INHBA: variants seen among roughly 807,000 people sequenced by gnomAD.
INHBA encodes inhibin subunit beta A, also known as inhibin beta A chain.
A neutral mutation model predicts 29.0 loss-of-function variants in INHBA; 1 was observed. That is an observed-to-expected ratio of 0.03 (90% CI 0.01 to 0.16). The LOEUF is 0.16. Among genes scored for constraint, INHBA ranks in the 10% least tolerant of loss-of-function variants. The pLI, the probability that INHBA is intolerant of heterozygous loss-of-function variation, is 1.00. For missense variants in INHBA, 376 were observed against 545.4 expected (o/e 0.69, Z 3.09); for synonymous variants, 242 against 216.8 (o/e 1.12, Z -1.02).
intron 2 of INHBA, among the ~76,000 whole-genome samples, chr7:41,696,802 C>T (rs1023452250): frequency 9.9e-5 from 15 of 152,120 alleles, no homozygotes; most frequent in African/African-American, 3.6e-4. Flanking sequence ...CTTCTTGGAT[C>T]CCTGTCTGGG....
chr7:41,698,293 G>A (rs1794694594), intron 2 of INHBA, among the ~76,000 whole-genome samples: 1 of 152,090 alleles, frequency 6.6e-6, no homozygotes, highest in African/African-American at 2.4e-5. Flanking sequence ...GGTTAAAAGT[G>A]GTCAAAGGCA....
chr7:41,700,303 T>C lies in INHBA; in HGVS notation c.72A>G (p.Pro24=). ...GGGCCGCGCTGTGCCCCTCGGATCC[T>C]GGGGTGGGGGAACTCCTCACTATAA... ...CWIIVRSSPT[P]GSEGHSAAPD... is the part of the protein sequence containing the mutation. Residue 24 remains proline, a synonymous_variant, in exon 2 of 3, where the codon CCA becomes CCG. Coordinates refer to ENST00000242208, the MANE Select transcript of INHBA (RefSeq NM_002192.4). 1 of 1,575,606 alleles carries C rather than the reference T, an allele frequency of 6.3e-7. No individual in the cohort carries two copies. Among genetic ancestry groups the C allele is most frequent in the South Asian group, 1.2e-5 (1 of 85,404 alleles).
At chr7:41,692,820 G>T (rs563854871) in intron 2 of INHBA, among the ~76,000 whole-genome samples, 20 of 152,168 alleles carry the variant, frequency 1.3e-4, no homozygotes, top group Non-Finnish European at 2.8e-4. Flanking sequence ...TGTGGGTTTT[G>T]TTGTTGTTGT....
chr7:41,701,493 C>T (rs1467455037), intron 1 of INHBA, among the ~76,000 whole-genome samples: 1 of 152,172 alleles, frequency 6.6e-6, no homozygotes, highest in African/African-American at 2.4e-5. Flanking sequence ...ATACACTCCA[C>T]TCTTCCCAAC....
intron 2 of INHBA, chr7:41,691,495 T>C (rs1794525509): frequency 6.6e-6 from 1 of 152,278 alleles, no homozygotes; most frequent in Non-Finnish European, 1.5e-5. Flanking sequence ...TGTTCCTCCC[T>C]TGAATGTCAG....
At chr7:41,704,310 G>A (rs1794862246), upstream of INHBA, among the ~76,000 whole-genome samples, 7 of 152,028 alleles carry the variant, frequency 4.6e-5, no homozygotes, top group South Asian at 1.5e-3. Flanking sequence ...ATGGGGGTGG[G>A]GGGAAGGAGT....
Position 41,689,331 on chromosome 7 carries a change from C to T in INHBA, c.*319G>A, listed in dbSNP as rs576489367. On this transcript the variant is annotated 3_prime_UTR_variant, in exon 3 of 3. Coordinates refer to ENST00000242208, the MANE Select transcript of INHBA (RefSeq NM_002192.4). Reference sequence around the variant, plus strand: ...AAGGGAACCTCAAGGGGGGAAAGGACAATACCCCGTTTAAACAACTGATGT... The same window carrying T: ...AAGGGAACCTCAAGGGGGGAAAGGATAATACCCCGTTTAAACAACTGATGT... The T allele has an allele frequency of 2.3e-5, 7 of 302,058 alleles. No homozygotes were observed. The highest frequency in any genetic ancestry group is 1.3e-4 in the African/African-American group (6 of 46,860). The allele number at this position is 302,058 out of a possible 1,614,324, so 18.7% of individuals were successfully genotyped here.
At chr7:41,698,737 C>T (rs936253027) in intron 2 of INHBA, among the ~76,000 whole-genome samples, 9 of 152,200 alleles carry the variant, frequency 5.9e-5, no homozygotes, top group African/African-American at 1.2e-4. Flanking sequence ...TCTGCACCCC[C>T]GGAAAGATGC....
At chr7:41,704,235 A>G (rs768529668), upstream of INHBA, among the ~76,000 whole-genome samples, 1 of 152,060 alleles carries the variant, frequency 6.6e-6, no homozygotes, top group African/African-American at 2.4e-5. Flanking sequence ...TTAGGACACC[A>G]GAAGTTTTCT....
upstream of INHBA, among the ~76,000 whole-genome samples, chr7:41,704,607 A>C (rs1794869434): frequency 1.6e-5 from 2 of 122,678 alleles, no homozygotes; most frequent in African/African-American, 3.2e-5. Flanking sequence ...CCTCCACACA[A>C]AGTAGTGTGT....
rs376722349 is a variant in INHBA at position 41,689,785 on chromosome 7, G to C, written c.1146C>G (p.Ser382Arg). 1.9e-6 allele frequency: 3 copies of C among 1,613,970 alleles called. No individual in the cohort carries two copies. The highest frequency in any genetic ancestry group is 2.5e-6 in the Non-Finnish European group (3 of 1,180,018). ...VINHYRMRGHSPFANLKSCCV... is the reference protein window; with the variant it reads ...VINHYRMRGHRPFANLKSCCV... ...AGCACGATTTGAGGTTGGCAAAGGG[G>C]CTATGGCCCCGCATGCGGTAGTGGT... The change falls in exon 3 of 3, where the codon AGC (serine) becomes AGG (arginine). Residue 382 changes from serine (S) to arginine (R), a missense_variant. Coordinates refer to ENST00000242208, the MANE Select transcript of INHBA (RefSeq NM_002192.4).
At chr7:41,705,327 C>A (rs966261841), upstream of INHBA, 2 of 152,376 alleles carry the variant, frequency 1.3e-5, no homozygotes, top group Non-Finnish European at 2.9e-5. Flanking sequence ...CACGCCGGAA[C>A]GCGGCCGCTG....
intron 1 of INHBA, among the ~76,000 whole-genome samples, chr7:41,701,674 C>G (rs1794799648): frequency 6.6e-6 from 1 of 152,190 alleles, no homozygotes; most frequent in Non-Finnish European, 1.5e-5. Flanking sequence ...AGATAAAATG[C>G]AAAATTCTCT....
rs1794394518 is a variant in INHBA, at chr7:41,686,431, A to G, written c.*3219T>C. ...TTCAAGAAAAAAACATACTACTAAG[A>G]ATCCCATATGTTATAATTTAAAGCC... On this transcript the variant is annotated 3_prime_UTR_variant, in exon 3 of 3. Coordinates refer to ENST00000242208, the MANE Select transcript of INHBA (RefSeq NM_002192.4). 1 of 152,148 alleles carries G rather than the reference A, an allele frequency of 6.6e-6. No homozygotes were observed. The highest frequency in any genetic ancestry group is 1.5e-5 in the Non-Finnish European group (1 of 68,006). 9.4% of individuals were successfully genotyped at this position (152,148 alleles called of 1,614,324 possible). A position where few individuals can be genotyped will look rare whatever the true frequency, so the allele number is the denominator to read the frequency against.
At chr7:41,702,921 A>G (rs926404320) in intron 1 of INHBA, 84 bp downstream of exon 1, 16 of 152,234 alleles carry the variant, frequency 1.1e-4, no homozygotes, top group African/African-American at 3.9e-4. Context: ...CACATTGGAA[A>G]TGCCAATTAG....
Position 41,700,018 on chromosome 7 carries a change from C to T in INHBA, c.357G>A (p.Gln119=). 1 of 1,459,126 alleles carries T rather than the reference C, an allele frequency of 6.9e-7. No individual in the cohort carries two copies. Among genetic ancestry groups the T allele is most frequent in the Non-Finnish European group, 9.2e-7 (1 of 1,086,018 alleles). The allele number at this position is 1,459,126 out of a possible 1,614,324, so 90.4% of individuals were successfully genotyped here. A position where few individuals can be genotyped will look rare whatever the true frequency, so the allele number is the denominator to read the frequency against. Residue 119 remains glutamine, a synonymous_variant, in exon 2 of 3, where the codon CAG becomes CAA. Transcript: ENST00000242208. ...CGGCAAACGTGATGATCTCCGAGGT[C>T]TGCTCCATAAGTTCATTCATTTCTG... is the stretch of plus-strand genomic sequence containing the variant. The part of the protein sequence containing the change: ...RRAEMNELME[Q]TSEIITFAES...
rs551725471 is a variant in INHBA, at chr7:41,685,547, A to C, written c.*4103T>G. 7.9e-5 allele frequency: 12 copies of C among 152,290 alleles called. No individual in the cohort carries two copies. The highest frequency in any genetic ancestry group is 1.2e-4 in the Non-Finnish European group (8 of 67,982). 9.4% of individuals were successfully genotyped at this position (152,290 alleles called of 1,614,324 possible). ...TCAACCACAGAACATAAAAAGTTTTAAAATAAAACAGGCTTCAGATTATCT... is the reference window on the plus strand; with the variant it reads ...TCAACCACAGAACATAAAAAGTTTTCAAATAAAACAGGCTTCAGATTATCT... On this transcript the variant is annotated 3_prime_UTR_variant, in exon 3 of 3. Coordinates refer to ENST00000242208, the MANE Select transcript of INHBA (RefSeq NM_002192.4).
intron 2 of INHBA, among the ~76,000 whole-genome samples, chr7:41,692,784 C>T (rs1263598156): frequency 3.9e-5 from 6 of 152,138 alleles, no homozygotes; most frequent in Non-Finnish European, 8.8e-5. Flanking sequence ...AATCTGAATT[C>T]GATATTCCCC....
chr7:41,696,415 C>T (rs552825479), intron 2 of INHBA, among the ~76,000 whole-genome samples: 9 of 152,118 alleles, frequency 5.9e-5, no homozygotes, highest in Non-Finnish European at 1.2e-4. Context: ...TTTCCATTTC[C>T]TTTCCTTCTG....
Sources: gnomAD v4.1 joint callset for allele counts (sites outside exome capture counted in the v4.1 genomes callset) on GRCh38, gnomAD v4.1.1 for gene constraint, MANE v1.5 for transcripts, NCBI Gene and HGNC (gene_info 2026-07-23, HGNC 2026-07-21) for gene names.